ZNF334: variants seen among roughly 807,000 people sequenced by gnomAD.
ZNF334 encodes zinc finger protein 334.
A neutral mutation model predicts 12.4 loss-of-function variants in ZNF334; 14 were observed. That is an observed-to-expected ratio of 1.13 (90% CI 0.74 to 1.76). The LOEUF (loss-of-function observed/expected upper bound fraction) is 1.76. Ranked by LOEUF, ZNF334 falls within the 40% of genes most tolerant of loss-of-function variation. ZNF334 has a pLI of 0.00. For missense variants in ZNF334, 797 were observed against 804.5 expected (o/e 0.99, Z 0.11); for synonymous variants, 273 against 269.6 (o/e 1.01, Z -0.12).
chr20:46,466,782 C>T, the ZNF334 span, among the ~76,000 whole-genome samples: 4 of 151,940 alleles, frequency 2.6e-5, no homozygotes, highest in African/African-American at 4.8e-5. Flanking sequence ...CTACAACTGG[C>T]CAAAAATGTA....
At chr20:46,493,660 T>A in the ZNF334 span, among the ~76,000 whole-genome samples, 1 of 152,148 alleles carries the variant, frequency 6.6e-6, no homozygotes, top group Non-Finnish European at 1.5e-5. Context: ...GAAAGAAAAT[T>A]GAATGAAGAG....
chr20:46,476,786 A>G, the ZNF334 span, among the ~76,000 whole-genome samples: 5 of 151,552 alleles, frequency 3.3e-5, no homozygotes, highest in Non-Finnish European at 5.9e-5. Flanking sequence ...TTAAGCATTT[A>G]TCATGGTTTC....
At chr20:46,467,322 G>T in the ZNF334 span, among the ~76,000 whole-genome samples, 1 of 152,008 alleles carries the variant, frequency 6.6e-6, no homozygotes, top group African/African-American at 2.4e-5. Context: ...TTTCCTAAGG[G>T]TTTAAAATAT....
chr20:46,473,051 C>G, the ZNF334 span, among the ~76,000 whole-genome samples: 1 of 152,222 alleles, frequency 6.6e-6, no homozygotes. Flanking sequence ...TCTCTTTCTG[C>G]ATCAGTTAGT....
At chr20:46,484,461 G>T in the ZNF334 span, 1 of 167,070 alleles carries the variant, frequency 6.0e-6, no homozygotes, top group Non-Finnish European at 1.5e-5. Context: ...GTTATTTCAG[G>T]AGTTGGTGAG....
intron 2 of ZNF334, among the ~76,000 whole-genome samples, chr20:46,511,440 G>C (rs1210363793): frequency 6.6e-6 from 1 of 152,172 alleles, no homozygotes; most frequent in Admixed American, 6.5e-5. Context: ...CCATCAGAGT[G>C]GTGGGGGCAG....
At chr20:46,507,272 A>G (rs1282908477) in intron 2 of ZNF334, among the ~76,000 whole-genome samples, 1 of 152,046 alleles carries the variant, frequency 6.6e-6, no homozygotes, top group Non-Finnish European at 1.5e-5. Context: ...GAAAGGAAAT[A>G]AAGAAAAGGC....
the ZNF334 span, among the ~76,000 whole-genome samples, chr20:46,494,062 G>C: frequency 6.6e-6 from 1 of 152,188 alleles, no homozygotes; most frequent in Non-Finnish European, 1.5e-5. Flanking sequence ...TCAGAATATG[G>C]AGAACCTATT....
chr20:46,501,367 A>G lies in ZNF334; in HGVS notation c.1972T>C (p.Cys658Arg). ...CGAAATGTTTTCTCACATTTGTTAC[A>G]TTCATAAGGTTTCTCTCCTGTGTGT... ...KIHTGEKPYE[C>R]NKCEKTFRHK... is the part of the protein sequence containing the mutation. The change falls in exon 5 of 5, where the codon TGT (cysteine) becomes CGT (arginine). Residue 658 changes from cysteine (C) to arginine (R), a missense_variant. Physicochemically the swap from Cys to Arg is radical, Grantham distance 180. Transcript: ENST00000692313. The G allele has an allele frequency of 1.2e-6, 2 of 1,614,096 alleles. No homozygotes were observed. The highest frequency in any genetic ancestry group is 1.7e-4 in the Middle Eastern group (1 of 6,058).
the ZNF334 span, among the ~76,000 whole-genome samples, chr20:46,482,601 C>T: frequency 7.2e-5 from 11 of 151,906 alleles, no homozygotes; most frequent in Admixed American, 5.9e-4. Flanking sequence ...AATCATTAAC[C>T]CTACTCAACC....
the ZNF334 span, among the ~76,000 whole-genome samples, chr20:46,484,004 T>G: frequency 2.0e-5 from 3 of 152,334 alleles, no homozygotes; most frequent in Middle Eastern, 0.01. Context: ...ATCTTTAGTT[T>G]TGACTGATTT....
At chr20:46,466,896 C>G in the ZNF334 span, among the ~76,000 whole-genome samples, 1 of 152,260 alleles carries the variant, frequency 6.6e-6, no homozygotes, top group Admixed American at 6.5e-5. Flanking sequence ...ATTCTCATAA[C>G]TTTTTTGAAT....
At chr20:46,471,503 G>A in the ZNF334 span, among the ~76,000 whole-genome samples, 3 of 152,050 alleles carry the variant, frequency 2.0e-5, no homozygotes, top group Admixed American at 6.5e-5. Context: ...GGTTAATGTG[G>A]TTTTGTCCTA....
chr20:46,504,593 G>A, intron 3 of ZNF334, 21 bp downstream of exon 3: 1 of 1,575,930 alleles, frequency 6.3e-7, no homozygotes, highest in Non-Finnish European at 8.6e-7. Flanking sequence ...CTTGGGAGTT[G>A]TACAGGGAAA....
At position 46,501,833 on chromosome 20, in the gene ZNF334, T is replaced by C; in HGVS notation, c.1506A>G (p.Ser502=). 1 of 1,614,056 alleles carries C rather than the reference T, an allele frequency of 6.2e-7. No homozygotes were observed. ...TCATTCTCTTACACTGACTGCAGTT[T>C]GACTTCACAATGGAGATTCTACCAC... ...NKCGRISIVK[S]NCSQCKRMNT... The change falls in exon 5 of 5, where the codon TCA becomes TCG. Residue 502 remains serine, a synonymous_variant. Coordinates refer to ENST00000692313, the MANE Select transcript of ZNF334 (RefSeq NM_001353824.2).
the ZNF334 span, among the ~76,000 whole-genome samples, chr20:46,493,095 A>T: frequency 4.5e-4 from 68 of 150,958 alleles, no homozygotes; most frequent in Admixed American, 2.1e-3. Flanking sequence ...CTTTAGAAAA[A>T]AAAAAAAAAA....
chr20:46,497,325 T>G (rs1369307457), downstream of ZNF334, among the ~76,000 whole-genome samples: 1 of 152,176 alleles, frequency 6.6e-6, no homozygotes, highest in African/African-American at 2.4e-5. Context: ...GATGGAACAA[T>G]GTGTTTTAGG....
At chr20:46,484,734 A>C in the ZNF334 span, 8 of 161,398 alleles carry the variant, frequency 5.0e-5, no homozygotes, top group African/African-American at 1.9e-4. Context: ...TTAAGAGAAG[A>C]CATTTTCATC....
At chr20:46,481,729 A>G in the ZNF334 span, among the ~76,000 whole-genome samples, 1 of 152,322 alleles carries the variant, frequency 6.6e-6, no homozygotes, top group East Asian at 1.9e-4. Flanking sequence ...GTCCTGACAG[A>G]CTTAAAATCC....
Sources: gnomAD v4.1 joint callset for allele counts (sites outside exome capture counted in the v4.1 genomes callset) on GRCh38, gnomAD v4.1.1 for gene constraint, MANE v1.5 for transcripts, NCBI Gene and HGNC (gene_info 2026-07-23, HGNC 2026-07-21) for gene names.